The following FBXL17 variants were observed in gnomAD, a reference collection of about 807,000 sequenced individuals.
FBXL17 encodes F-box/LRR-repeat protein 17.
Under a neutral mutation model 66.2 loss-of-function variants are expected in FBXL17, and 22 were observed. That is an observed-to-expected ratio of 0.33 (90% confidence interval 0.24 to 0.47). FBXL17 has a LOEUF of 0.47. FBXL17 is among the 20% of genes least tolerant of loss of function. FBXL17 has a pLI of 1.00. For missense variants in FBXL17, 878 were observed against 948.2 expected, an observed-to-expected ratio of 0.93 and a Z score of 0.97; for synonymous variants, 474 against 400.5, an observed-to-expected ratio of 1.18 and a Z score of -2.19.
rs1187925733 is a variant in FBXL17 at position 107,860,085 on chromosome 5, C to T, written c.*1635G>A. 1.3e-5 allele frequency: 2 copies of T among 152,154 alleles called. No homozygotes were observed. The highest frequency in any genetic ancestry group is 3.9e-4 in the East Asian group (2 of 5,176). The allele number at this position is 152,154 out of a possible 1,614,324, so 9.4% of individuals were successfully genotyped here. A position where few individuals can be genotyped will look rare whatever the true frequency, so the allele number is the denominator to read the frequency against. ...CCGATTGGGATTAAAACAAAAATGC[C>T]ACATCAGAAACATGTTGACATAATC... On this transcript the variant is annotated 3_prime_UTR_variant, in exon 9 of 9. Coordinates refer to ENST00000542267, the MANE Select transcript of FBXL17 (RefSeq NM_001163315.3).
At chr5:108,187,514 G>A (rs958921094) in intron 5 of FBXL17, among the ~76,000 whole-genome samples, 3 of 152,140 alleles carry the variant, frequency 2.0e-5, no homozygotes, top group Non-Finnish European at 4.4e-5. Context: ...AAGCCAGAGA[G>A]ATGAAATGGA....
rs774716227 is a variant in FBXL17 at position 107,881,069 on chromosome 5, G to A, written c.1933C>T (p.Leu645=). The change falls in exon 8 of 9, where the codon CTG becomes TTG. Residue 645 remains leucine (L), a synonymous_variant. Transcript: ENST00000542267. ...CATCTCATCAGCCCCAAATATCTCA[G>A]AGACTTGCTGCTCTGTGCAATCAGG... ...ATLIAQSSKS[L]RYLGLMRCDK... is the part of the protein sequence containing the mutation. The A allele has an allele frequency of 3.1e-5, 50 of 1,614,092 alleles. No individual in the cohort carries two copies. Among genetic ancestry groups the A allele is most frequent in the Non-Finnish European group, 4.2e-5 (50 of 1,179,974 alleles).
At chr5:108,250,160 G>T (rs942011647) in intron 4 of FBXL17, among the ~76,000 whole-genome samples, 1 of 152,062 alleles carries the variant, frequency 6.6e-6, no homozygotes, top group Admixed American at 6.6e-5. Context: ...CTTTTAGAAA[G>T]AATGCATAAT....
intron 4 of FBXL17, among the ~76,000 whole-genome samples, chr5:108,280,797 T>C (rs796208503): frequency 6.1e-5 from 9 of 148,000 alleles, no homozygotes; most frequent in African/African-American, 2.2e-4. Flanking sequence ...TAAAGACACA[T>C]AAAAACTAAA....
At position 107,861,530 on chromosome 5, in the gene FBXL17, A is replaced by G. The variant is rs1748121881; in HGVS notation, c.*190T>C. The stretch of plus-strand genomic sequence containing the variant: ...ATAATCTTTAATTTCTAAGAAAAAA[A>G]GCCAGCTCACTTGGGAACAAATGAC... On this transcript the variant is annotated 3_prime_UTR_variant, in exon 9 of 9. Coordinates refer to ENST00000542267, the MANE Select transcript of FBXL17 (RefSeq NM_001163315.3). The G allele has an allele frequency of 2.2e-6, 1 of 446,832 alleles. No individual in the cohort carries two copies. The highest frequency in any genetic ancestry group is 4.5e-5 in the Admixed American group (1 of 22,420). 27.7% of individuals were successfully genotyped at this position (446,832 alleles called of 1,614,324 possible). A position where few individuals can be genotyped will look rare whatever the true frequency, so the allele number is the denominator to read the frequency against.
intron 7 of FBXL17, among the ~76,000 whole-genome samples, chr5:107,971,757 C>T (rs908221694): frequency 3.3e-5 from 5 of 152,154 alleles, no homozygotes; most frequent in Admixed American, 6.6e-5. Flanking sequence ...TAGGTAGGAA[C>T]AAAAAGTTCA....
At chr5:108,351,708 G>A (rs960319507) in intron 3 of FBXL17, among the ~76,000 whole-genome samples, 7 of 152,078 alleles carry the variant, frequency 4.6e-5, no homozygotes, top group East Asian at 1.9e-4. Context: ...CTATTTCTTC[G>A]TCATACTTAT....
intron 6 of FBXL17, among the ~76,000 whole-genome samples, chr5:108,162,964 C>A (rs948743129): frequency 2.6e-5 from 4 of 152,078 alleles, no homozygotes; most frequent in Non-Finnish European, 5.9e-5. Context: ...ATCACCAGTA[C>A]AAAGCACAGT....
chr5:108,128,510 A>C (rs989938566), intron 6 of FBXL17, among the ~76,000 whole-genome samples: 9 of 152,194 alleles, frequency 5.9e-5, no homozygotes, highest in African/African-American at 2.2e-4. Context: ...GAAAGGGTTA[A>C]TATACCAACA....
intron 6 of FBXL17, among the ~76,000 whole-genome samples, chr5:108,132,491 T>C (rs909119490): frequency 6.6e-6 from 1 of 152,196 alleles, no homozygotes; most frequent in Non-Finnish European, 1.5e-5. Context: ...TAGGAAAATG[T>C]GTTCTTTTTA....
At chr5:107,897,889 T>A (rs563876359) in intron 7 of FBXL17, among the ~76,000 whole-genome samples, 1 of 148,614 alleles carries the variant, frequency 6.7e-6, no homozygotes, top group Non-Finnish European at 1.5e-5. Context: ...AAATCAGGAA[T>A]GAGATTGTGG....
intron 7 of FBXL17, among the ~76,000 whole-genome samples, chr5:107,902,337 A>G (rs549489451): frequency 6.6e-6 from 1 of 152,300 alleles, no homozygotes; most frequent in Non-Finnish European, 1.5e-5. Flanking sequence ...ATTTCTCTGA[A>G]ATGATTTAAT....
intron 6 of FBXL17, among the ~76,000 whole-genome samples, chr5:108,105,558 A>C (rs972708823): frequency 3.3e-5 from 5 of 152,228 alleles, no homozygotes; most frequent in African/African-American, 7.2e-5. Context: ...TTATAAGAAT[A>C]AATAAGAAAA....
intron 3 of FBXL17, among the ~76,000 whole-genome samples, chr5:108,357,544 G>A (rs562041703): frequency 5.9e-5 from 9 of 151,978 alleles, no homozygotes; most frequent in East Asian, 1.9e-4. Flanking sequence ...CTTCTCTAAC[G>A]CACATGGAAT....
Position 108,381,604 on chromosome 5 carries a change from G to T in FBXL17, c.88C>A (p.Leu30Ile). The change falls in exon 1 of 9, where the codon CTC becomes ATC. Residue 30 changes from leucine (L) to isoleucine (I), a missense_variant. This residue lies in a region of FBXL17 where 605 missense variants were observed against 509.5 expected (regional missense o/e 1.19). Transcript: ENST00000542267. The stretch of plus-strand genomic sequence containing the variant: ...GGGGTCCGGCGGGGCAGCCTGAGGA[G>T]AGGGCGCCGGCGGCGGCACCAACTG... ...CCSWCRRRRP[L>I]LRLPRRTPAK... is the part of the protein sequence containing the mutation. The T allele has an allele frequency of 6.8e-7, 1 of 1,480,618 alleles. No homozygotes were observed. Among genetic ancestry groups the T allele is most frequent in the Non-Finnish European group, 8.9e-7 (1 of 1,121,064 alleles). 91.7% of individuals were successfully genotyped at this position (1,480,618 alleles called of 1,614,324 possible).
chr5:108,048,423 C>G (rs1057109762), intron 6 of FBXL17, among the ~76,000 whole-genome samples: 4 of 152,092 alleles, frequency 2.6e-5, no homozygotes, highest in African/African-American at 9.7e-5. Flanking sequence ...CAATGCCTCT[C>G]CAGCAAGGTT....
intron 6 of FBXL17, among the ~76,000 whole-genome samples, chr5:108,059,126 T>C (rs1391785689): frequency 6.6e-6 from 1 of 152,202 alleles, no homozygotes; most frequent in African/African-American, 2.4e-5. Context: ...TAATATTCCA[T>C]AGAACAACTT....
intron 6 of FBXL17, among the ~76,000 whole-genome samples, chr5:108,053,922 T>C (rs543770371): frequency 6.6e-6 from 1 of 152,270 alleles, no homozygotes; most frequent in Non-Finnish European, 1.5e-5. Context: ...CATGAAATAC[T>C]ATGCAGCCGT....
intron 7 of FBXL17, among the ~76,000 whole-genome samples, chr5:107,890,445 T>G (rs571623782): frequency 2.0e-5 from 3 of 151,982 alleles, no homozygotes; most frequent in South Asian, 4.2e-4. Flanking sequence ...GCAGATTGCT[T>G]GAGGCCCGGA....
Sources: gnomAD v4.1 joint callset for allele counts (sites outside exome capture counted in the v4.1 genomes callset) on GRCh38, gnomAD v4.1.1 for gene constraint, gnomAD v4.1.1 regional missense constraint, MANE v1.5 for transcripts, NCBI Gene and HGNC (gene_info 2026-07-23, HGNC 2026-07-21) for gene names.